The following PKD1L1 variants were observed in gnomAD, a reference collection of about 807,000 sequenced individuals.
The protein encoded by PKD1L1 is polycystin-1-like protein 1.
Under a neutral mutation model 323.4 loss-of-function variants are expected in PKD1L1, and 236 were observed. That is an observed-to-expected ratio of 0.73 (90% CI 0.66 to 0.81). The LOEUF is 0.81. Ranked by LOEUF, PKD1L1 falls within the 40% of genes least tolerant of loss-of-function variation. The pLI is 0.00. For synonymous variants in PKD1L1, 1,344 were observed against 1,335.0 expected, an observed-to-expected ratio of 1.01 and a Z score of -0.15; for missense variants, 3,320 against 3,508.0, an observed-to-expected ratio of 0.95 and a Z score of 1.35.
chr7:47,944,188 G>A (rs1304100011), intron 1 of PKD1L1, among the ~76,000 whole-genome samples: 1 of 152,068 alleles, frequency 6.6e-6, no homozygotes, highest in Admixed American at 6.6e-5. Context: ...TTGGATCACG[G>A]GGGCAGATCT....
chr7:47,869,833 A>G (rs986977819), intron 24 of PKD1L1, among the ~76,000 whole-genome samples: 3 of 152,318 alleles, frequency 2.0e-5, no homozygotes, highest in East Asian at 1.9e-4. Context: ...ACCATATAGT[A>G]GGCCACAAAC....
chr7:47,908,132 G>A lies in PKD1L1; in HGVS notation c.1347C>T (p.Ser449=), dbSNP rs970904006. The A allele has an allele frequency of 1.2e-6, 2 of 1,614,062 alleles. No individual in the cohort carries two copies. Among genetic ancestry groups the A allele is most frequent in the Non-Finnish European group, 1.7e-6 (2 of 1,180,040 alleles). Reference sequence around the variant, plus strand: ...CAAGCACTTCATCTTCATGGACACTGCTGGAGTTCATGAACGCAGACACGG... The same window carrying A: ...CAAGCACTTCATCTTCATGGACACTACTGGAGTTCATGAACGCAGACACGG... The part of the protein sequence containing the change: ...HEAVSAFMNS[S]SVHEDEVLVF... Residue 449 remains serine (S), a synonymous_variant, in exon 9 of 57, where the codon AGC becomes AGT. Coordinates refer to ENST00000289672, the MANE Select transcript of PKD1L1 (RefSeq NM_138295.5).
chr7:47,957,862 A>AAAATATATATATATAT, the PKD1L1 span, among the ~76,000 whole-genome samples: 70 of 134,694 alleles, frequency 5.2e-4, no homozygotes, highest in Non-Finnish European at 8.7e-4. Context: ...ATTAAAAAAA[A>AAAATATATATATATAT]ATATATATAT....
At chr7:47,890,815 G>A (rs762586803) in intron 15 of PKD1L1, 52 bp from the exon 16 acceptor site, 2 of 1,534,796 alleles carry the variant, frequency 1.3e-6, no homozygotes, top group Non-Finnish European at 1.8e-6. Context: ...CAGAGTCAGG[G>A]ACTACCCTGT....
At chr7:47,911,369 G>A (rs1050568497) in intron 8 of PKD1L1, among the ~76,000 whole-genome samples, 2 of 152,168 alleles carry the variant, frequency 1.3e-5, no homozygotes, top group African/African-American at 2.4e-5. Flanking sequence ...GCAGAACCGT[G>A]AGCCAATTAA....
the PKD1L1 span, among the ~76,000 whole-genome samples, chr7:47,953,833 G>A: frequency 1.3e-5 from 2 of 152,200 alleles, no homozygotes; most frequent in African/African-American, 4.8e-5. Flanking sequence ...TGCAAACAGT[G>A]AAAGAAGTGA....
chr7:47,925,086 C>A (rs1267621610), intron 7 of PKD1L1, among the ~76,000 whole-genome samples: 2 of 152,028 alleles, frequency 1.3e-5, no homozygotes, highest in African/African-American at 4.8e-5. Flanking sequence ...CCAATAGCAG[C>A]AGCTTTTCTA....
intron 24 of PKD1L1, 141 bp downstream of exon 24, chr7:47,873,758 C>T (rs570190956): frequency 1.7e-6 from 1 of 585,440 alleles, no homozygotes; most frequent in Non-Finnish European, 3.0e-6. Flanking sequence ...AGTGATAGCA[C>T]CCGGACTTTT....
intron 4 of PKD1L1, among the ~76,000 whole-genome samples, chr7:47,935,524 A>G (rs1303631054): frequency 6.6e-6 from 1 of 152,248 alleles, no homozygotes; most frequent in East Asian, 1.9e-4. Context: ...AATTCTCCCC[A>G]ATACTGCTGT....
Position 47,831,326 on chromosome 7 carries a change from T to C in PKD1L1, c.6364A>G (p.Met2122Val). 6.2e-7 allele frequency: 1 copy of C among 1,614,018 alleles called. No homozygotes were observed. Among genetic ancestry groups the C allele is most frequent in the Non-Finnish European group, 8.5e-7 (1 of 1,179,972 alleles). The change falls in exon 42 of 57, where the codon ATG becomes GTG. Residue 2122 changes from methionine (M) to valine (V), a missense_variant. Physicochemically the swap from Met to Val is conservative, Grantham distance 21. Transcript: ENST00000289672. Reference sequence around the variant, plus strand: ...TGAAGGGCCCTTGACCACTGGGGCATTAGTCCCTCCAAACCACTGCTGGGT... The same window carrying C: ...TGAAGGGCCCTTGACCACTGGGGCACTAGTCCCTCCAAACCACTGCTGGGT... ...QAPSSGLEGL[M>V]PQWSRALQPW...
At position 47,905,901 on chromosome 7, in the gene PKD1L1, C is replaced by G; in HGVS notation, c.1464G>C (p.Gln488His). 2.5e-6 allele frequency: 4 copies of G among 1,613,642 alleles called. No homozygotes were observed. The highest frequency in any genetic ancestry group is 3.4e-6 in the Non-Finnish European group (4 of 1,179,880). The change falls in exon 10 of 57, where the codon CAG (glutamine) becomes CAC (histidine). Residue 488 changes from glutamine to histidine, a missense_variant. Gln to His is a conservative substitution (Grantham distance 24). Transcript: ENST00000289672. ...IPSYNVSFISQTQVGDSQAWH... is the reference protein window; with the variant it reads ...IPSYNVSFISHTQVGDSQAWH... Reference sequence around the variant, plus strand: ...AAGCCTGGCTGTCACCCACTTGAGTCTGAGAAATAAAGGACACGTTATATG... The same window carrying G: ...AAGCCTGGCTGTCACCCACTTGAGTGTGAGAAATAAAGGACACGTTATATG...
chr7:47,949,429 C>A (rs1406013071), upstream of PKD1L1, among the ~76,000 whole-genome samples: 3 of 139,154 alleles, frequency 2.2e-5, no homozygotes, highest in Non-Finnish European at 3.1e-5. Context: ...GAACAGGATA[C>A]CTTCCACAAG....
intron 50 of PKD1L1, among the ~76,000 whole-genome samples, chr7:47,811,154 CTT>C (rs11412484): frequency 1.8e-4 from 22 of 121,188 alleles, no homozygotes; most frequent in Admixed American, 1.6e-4. Flanking sequence ...ATGTCTCCTT[CTT>C]TTTTTTTTTT....
At chr7:47,785,870 T>C (rs1054223911) in intron 56 of PKD1L1, among the ~76,000 whole-genome samples, 3 of 151,532 alleles carry the variant, frequency 2.0e-5, no homozygotes, top group African/African-American at 7.3e-5. Context: ...GCCTCCTGAG[T>C]AGCTGGGATT....
At chr7:47,959,012 C>T in the PKD1L1 span, among the ~76,000 whole-genome samples, 2 of 152,242 alleles carry the variant, frequency 1.3e-5, no homozygotes, top group Admixed American at 6.5e-5. Context: ...TTGGTGGAGA[C>T]GGGGTTTCGC....
chr7:47,953,458 A>G (rs11767485), upstream of PKD1L1, among the ~76,000 whole-genome samples: 19,973 of 152,228 alleles, frequency 0.13, 1,548 homozygotes, highest in South Asian at 0.3. Context: ...ATGTGAGCCC[A>G]GATCGTATGA....
chr7:47,906,244 A>C (rs942022677), intron 9 of PKD1L1, among the ~76,000 whole-genome samples: 18 of 152,204 alleles, frequency 1.2e-4, no homozygotes, highest in African/African-American at 3.9e-4. Flanking sequence ...AATTACTTTG[A>C]TAGATGGCCT....
intron 14 of PKD1L1, among the ~76,000 whole-genome samples, chr7:47,895,217 T>C (rs1191597917): frequency 3.3e-5 from 5 of 152,132 alleles, no homozygotes. Flanking sequence ...GAAGTTACCT[T>C]ATCTGTCAGA....
At chr7:47,833,995 C>G (rs2128736123) in intron 40 of PKD1L1, among the ~76,000 whole-genome samples, 1 of 152,338 alleles carries the variant, frequency 6.6e-6, no homozygotes, top group South Asian at 2.1e-4. Flanking sequence ...CACAGTGTCT[C>G]TCCCACGGTC....
Sources: gnomAD v4.1 joint callset for allele counts (sites outside exome capture counted in the v4.1 genomes callset) on GRCh38, gnomAD v4.1.1 for gene constraint, MANE v1.5 for transcripts, NCBI Gene and HGNC (gene_info 2026-07-23, HGNC 2026-07-21) for gene names.